The following SLC49A3 variants were observed in gnomAD, a reference collection of about 807,000 sequenced individuals.
SLC49A3 encodes the protein solute carrier family 49 member 3, also known as solute carrier family 49 member A3.
In SLC49A3, 50 loss-of-function variants were observed where a neutral mutation model predicts 43.8. The ratio of observed to expected loss-of-function variants is 1.14; its 90% CI spans 0.91 to 1.45. SLC49A3 has a LOEUF of 1.45. Among genes scored for constraint, SLC49A3 ranks in the 40% most tolerant of loss-of-function variants. The pLI is 0.00. For missense variants in SLC49A3, 906 were observed against 774.1 expected (o/e 1.17, Z -2.02); for synonymous variants, 413 against 352.0 (o/e 1.17, Z -1.94).
At chr4:689,432 T>G (rs1741672792), upstream of SLC49A3, 2 of 232,488 alleles carry the variant, frequency 8.6e-6, no homozygotes, top group Non-Finnish European at 1.7e-5. Context: ...ACAGCCTGTG[T>G]GCTTCTCAGC....
chr4:677,979 C>T (rs772663478), downstream of SLC49A3: 2 of 1,613,264 alleles, frequency 1.2e-6, no homozygotes, highest in South Asian at 2.2e-5. Context: ...TTAAGATGGG[C>T]AAGACCTGGG....
Position 683,692 on chromosome 4 carries a change from A to G in SLC49A3, c.910T>C (p.Tyr304His). The G allele has an allele frequency of 6.2e-7, 1 of 1,604,070 alleles. No individual in the cohort carries two copies. Residue 304 changes from tyrosine (Y) to histidine (H), a missense_variant, in exon 7 of 10, where the codon TAT (tyrosine) becomes CAT (histidine). Tyr to His is a moderately conservative substitution (Grantham distance 83, BLOSUM62 2). Transcript: ENST00000322224. ...GTGAAGTGCTTGGTCCGGTCCACAT[A>G]GGGGCCGAGAGCCAGTGCCCCCAGG... ...GILGALALGP[Y>H]VDRTKHFTEA... is the part of the protein sequence containing the mutation.
chr4:679,312 C>T (rs1739203264), downstream of SLC49A3: 1 of 578,616 alleles, frequency 1.7e-6, no homozygotes, highest in Non-Finnish European at 3.1e-6. Flanking sequence ...GGCTGACTCT[C>T]TGGTAGGACG....
downstream of SLC49A3, chr4:681,009 G>A (rs780147625): frequency 1.3e-5 from 19 of 1,485,600 alleles, no homozygotes; most frequent in Non-Finnish European, 1.7e-5. Context: ...GTACAACCTG[G>A]GGCCCCTGGA....
At chr4:678,050 G>T (rs1288532336), downstream of SLC49A3, 1 of 1,613,076 alleles carries the variant, frequency 6.2e-7, no homozygotes, top group African/African-American at 1.3e-5. Context: ...CGCCGTGCAT[G>T]CCTGGGGCAG....
At chr4:677,797 G>T, downstream of SLC49A3, 1 of 652,984 alleles carries the variant, frequency 1.5e-6, no homozygotes, top group Non-Finnish European at 2.8e-6. Context: ...CTGGCCAGAG[G>T]TATCTGGGGA....
At chr4:688,940 T>A in intron 1 of SLC49A3, 53 bp downstream of exon 1, 1 of 1,554,394 alleles carries the variant, frequency 6.4e-7, no homozygotes, top group South Asian at 1.2e-5. Context: ...AAAACCCGGC[T>A]GGTCCGAGGG....
At chr4:683,150 T>C (rs1740168569) in intron 8 of SLC49A3, 60 bp downstream of exon 8, 2 of 1,589,292 alleles carry the variant, frequency 1.3e-6, no homozygotes, top group Non-Finnish European at 1.7e-6. Flanking sequence ...ACCCCAGGGG[T>C]GTAGGGGTGG....
At position 682,780 on chromosome 4, in the gene SLC49A3, C is replaced by G; in HGVS notation, c.1261+1G>C. The G allele has an allele frequency of 1.3e-6, 2 of 1,573,646 alleles. No homozygotes were observed. The highest frequency in any genetic ancestry group is 1.7e-6 in the Non-Finnish European group (2 of 1,154,976). ...CTGGGGACTCCCCATGTGAGGCTCA[C>G]CTGTCCAGTCAAGTGGATCCTCCCC... On this transcript the variant is annotated splice_donor_variant, in intron 9 of 9. Coordinates refer to ENST00000322224, the MANE Select transcript of SLC49A3 (RefSeq NM_032219.4). LOFTEE classifies it high-confidence loss of function.
Position 682,844 on chromosome 4 carries a change from C to G in SLC49A3, c.1198G>C (p.Val400Leu), listed in dbSNP as rs140349166. The G allele has an allele frequency of 2.5e-6, 4 of 1,605,656 alleles. No individual in the cohort carries two copies. Among genetic ancestry groups the G allele is most frequent in the African/African-American group, 1.3e-5 (1 of 74,954 alleles). ...GACAAGGACGGCTCCGAGCGTCGCA[C>G]AGTCAGTGCCGTCATTGCCAGCATG... The part of the protein sequence containing the change: ...LIMLAMTALT[V>L]RRSEPSLSTC... Residue 400 changes from valine to leucine, a missense_variant, in exon 9 of 10, where the codon GTG (valine) becomes CTG (leucine). Coordinates refer to ENST00000322224, the MANE Select transcript of SLC49A3 (RefSeq NM_032219.4).
Position 682,193 on chromosome 4 carries a change from A to G in SLC49A3, c.1445T>C (p.Leu482Pro), listed in dbSNP as rs1462949912. 7.3e-7 allele frequency: 1 copy of G among 1,366,576 alleles called. No homozygotes were observed. The highest frequency in any genetic ancestry group is 1.8e-5 in the South Asian group (1 of 56,568). The allele number at this position is 1,366,576 out of a possible 1,614,324, so 84.7% of individuals were successfully genotyped here. A position where few individuals can be genotyped will look rare whatever the true frequency, so the allele number is the denominator to read the frequency against. The change falls in exon 10 of 10, where the codon CTG becomes CCG. Residue 482 changes from leucine to proline, a missense_variant. Coordinates refer to ENST00000322224, the MANE Select transcript of SLC49A3 (RefSeq NM_032219.4). ...DRGGAGRAGVLGPSTATPECT... is the reference protein window; with the variant it reads ...DRGGAGRAGVPGPSTATPECT... ...CTCCGGAGTCGCCGTGCTGGGCCCC[A>G]GGACCCCAGCCCTTCCTGCTCCCCC...
downstream of SLC49A3, among the ~76,000 whole-genome samples, chr4:677,473 G>A (rs544993870): frequency 6.6e-6 from 1 of 152,298 alleles, no homozygotes; most frequent in East Asian, 1.9e-4. Flanking sequence ...GCCAGGCAAG[G>A]AGCTCCCAGC....
At chr4:680,960 G>T, downstream of SLC49A3, 1 of 1,040,066 alleles carries the variant, frequency 9.6e-7, no homozygotes, top group East Asian at 2.6e-5. Flanking sequence ...CTGCCCCAGG[G>T]CCACACTCCA....
chr4:685,300 GACAC>G lies in SLC49A3; in HGVS notation c.586-448_586-445del, dbSNP rs1292544845. Among the ~76,000 whole-genome samples, 6 of 151,970 alleles carry G rather than the reference GACAC, an allele frequency of 3.9e-5. No individual in the cohort carries two copies. Among genetic ancestry groups the G allele is most frequent in the Non-Finnish European group, 5.9e-5 (4 of 67,992 alleles). ...CAGGTACACACCACACATGTGCACA[GACAC>G]ACAGACACATATGCACACATCACAC... On this transcript the variant is annotated intron_variant, in intron 4 of 9. Transcript: ENST00000322224. The surrounding 1 kb of genome is among the most constrained non-coding windows in gnomAD (Gnocchi z 4.3).
chr4:677,471 A>G (rs1037688572), downstream of SLC49A3, among the ~76,000 whole-genome samples: 10 of 152,200 alleles, frequency 6.6e-5, no homozygotes, highest in Non-Finnish European at 1.2e-4. Flanking sequence ...GGGCCAGGCA[A>G]GGAGCTCCCA....
downstream of SLC49A3, chr4:678,362 AG>A: frequency 7.1e-7 from 1 of 1,413,010 alleles, no homozygotes; most frequent in Non-Finnish European, 9.2e-7. Flanking sequence ...TCAAGCCTTC[AG>A]AGGCCAAGCT....
intron 4 of SLC49A3, 109 bp from the exon 5 acceptor site, chr4:684,965 G>A (rs906915569): frequency 1.0e-4 from 145 of 1,428,798 alleles, no homozygotes; most frequent in Non-Finnish European, 1.2e-4. Flanking sequence ...CCCCACCACC[G>A]GCTGCCTCCC....
At chr4:683,440 A>T in intron 7 of SLC49A3, 73 bp from the exon 8 acceptor site, 1 of 1,549,784 alleles carries the variant, frequency 6.5e-7, no homozygotes, top group Non-Finnish European at 8.7e-7. Context: ...TTCACGGGAC[A>T]TGGGACACGG....
downstream of SLC49A3, among the ~76,000 whole-genome samples, chr4:680,280 G>C (rs1739322836): frequency 6.6e-6 from 1 of 152,126 alleles, no homozygotes; most frequent in African/African-American, 2.4e-5. Context: ...CTCCAGGCCT[G>C]GGCTGACCCT....
Sources: gnomAD v4.1 joint callset for allele counts (sites outside exome capture counted in the v4.1 genomes callset) on GRCh38, gnomAD v4.1.1 for gene constraint, Gnocchi (gnomAD v3.1) non-coding constraint, MANE v1.5 for transcripts, NCBI Gene and HGNC (gene_info 2026-07-23, HGNC 2026-07-21) for gene names.